Variants in SIPA1L3 observed in about 807,000 individuals in gnomAD.
SIPA1L3 encodes the protein signal induced proliferation associated 1 like 3, also known as signal-induced proliferation-associated 1-like protein 3.
A neutral mutation model predicts 150.1 loss-of-function variants in SIPA1L3; 59 were observed. The ratio of observed to expected loss-of-function variants is 0.39; its 90% CI spans 0.32 to 0.49. SIPA1L3 has a LOEUF of 0.49. SIPA1L3 is among the 20% of genes least tolerant of loss of function. The pLI, the probability that SIPA1L3 is intolerant of heterozygous loss-of-function variation, is 0.86. For missense variants in SIPA1L3, 2,211 were observed against 2,489.5 expected, an observed-to-expected ratio of 0.89 and a Z score of 2.38; for synonymous variants, 1,070 against 1,077.6, an observed-to-expected ratio of 0.99 and a Z score of 0.14.
intron 10 of SIPA1L3, among the ~76,000 whole-genome samples, chr19:38,135,808 C>T (rs901648958): frequency 2.0e-5 from 3 of 151,978 alleles, no homozygotes; most frequent in Non-Finnish European, 2.9e-5. Context: ...TGTAGCTGAC[C>T]TCATTTGCAG....
At chr19:38,198,317 G>A (rs1449120995) in intron 18 of SIPA1L3, 72 bp from the exon 19 acceptor site, 2 of 1,411,334 alleles carry the variant, frequency 1.4e-6, no homozygotes, top group African/African-American at 3.0e-5. Flanking sequence ...ATAAGCAATG[G>A]GATGTCTTCA....
chr19:38,103,650 C>T lies in SIPA1L3; in HGVS notation c.2029+2424C>T, dbSNP rs185689701. 9.9e-3 allele frequency among the ~76,000 whole-genome samples: 1,476 copies of T among 148,876 alleles called. 7 individuals carry two copies. Among genetic ancestry groups the T allele is most frequent in the South Asian group, 0.021 (98 of 4,702 alleles). ...TCTCAAAAAAAAAAAAGGGGCCGGG[C>T]GCGGTGGTTCACGCCTGTAATCTTA... On this transcript the variant is annotated intron_variant, in intron 6 of 21. Transcript: ENST00000222345.
chr19:38,083,908 G>A (rs1297535882), intron 3 of SIPA1L3, among the ~76,000 whole-genome samples: 1 of 150,854 alleles, frequency 6.6e-6, no homozygotes, highest in African/African-American at 2.4e-5. Context: ...TAGGAGAATC[G>A]CTTGAACCCA....
chr19:37,990,018 T>A (rs576690793), intron 1 of SIPA1L3, among the ~76,000 whole-genome samples: 21 of 152,208 alleles, frequency 1.4e-4, no homozygotes, highest in Admixed American at 2.6e-4. Context: ...CCTGACCTTT[T>A]GTTTGGCCCT....
At chr19:38,000,214 C>T (rs1967748578) in intron 1 of SIPA1L3, among the ~76,000 whole-genome samples, 1 of 152,048 alleles carries the variant, frequency 6.6e-6, no homozygotes, top group South Asian at 2.1e-4. Flanking sequence ...CACCTGTAAT[C>T]CCAGCACTTT....
chr19:38,156,130 C>T (rs115115984), intron 13 of SIPA1L3, among the ~76,000 whole-genome samples: 5 of 152,032 alleles, frequency 3.3e-5, no homozygotes, highest in African/African-American at 1.2e-4. Context: ...GGAAGCAGGT[C>T]GAACTGCTGG....
At chr19:38,078,782 G>A (rs550433504) in intron 2 of SIPA1L3, among the ~76,000 whole-genome samples, 7 of 152,318 alleles carry the variant, frequency 4.6e-5, no homozygotes, top group East Asian at 1.9e-4. Flanking sequence ...AATCAGTTCC[G>A]TTGGCAGGAG....
At chr19:38,028,169 T>C (rs978701999) in intron 1 of SIPA1L3, among the ~76,000 whole-genome samples, 1 of 152,158 alleles carries the variant, frequency 6.6e-6, no homozygotes, top group African/African-American at 2.4e-5. Context: ...AATATTCACT[T>C]AAATATAAAC....
At chr19:37,953,621 A>G (rs1432346404) in intron 1 of SIPA1L3, among the ~76,000 whole-genome samples, 5 of 152,216 alleles carry the variant, frequency 3.3e-5, no homozygotes, top group African/African-American at 4.8e-5. Flanking sequence ...ATGAAAGGAA[A>G]TCTTTTGAAT....
At chr19:38,144,287 A>G (rs1218429124) in intron 12 of SIPA1L3, among the ~76,000 whole-genome samples, 1 of 152,220 alleles carries the variant, frequency 6.6e-6, no homozygotes, top group Non-Finnish European at 1.5e-5. Flanking sequence ...AGAGACAGAG[A>G]GGGTAAGCGT....
rs1248787103 is a variant in SIPA1L3, at chr19:38,164,563, G to A, written c.3865G>A (p.Asp1289Asn). The A allele has an allele frequency of 5.0e-6, 8 of 1,613,954 alleles. No homozygotes were observed. The highest frequency in any genetic ancestry group is 1.3e-5 in the African/African-American group (1 of 75,002). Reference protein sequence around the residue: ...SSSHSDDRWFDPLDPLEPEQD... With the variant: ...SSSHSDDRWFNPLDPLEPEQD... ...CAGCCACAGCGACGACCGCTGGTTC[G>A]ACCCCCTGGACCCCCTGGAGCCAGA... The change falls in exon 15 of 22, where the codon GAC becomes AAC. Residue 1289 changes from aspartate (D) to asparagine (N), a missense_variant. Coordinates refer to ENST00000222345, the MANE Select transcript of SIPA1L3 (RefSeq NM_015073.3). This position sits in a 1 kb window ranked among gnomAD's most constrained non-coding sequence, Gnocchi z 4.1.
rs533330526 is a variant in SIPA1L3, at chr19:37,948,755, A to T, written c.-379+41397A>T. Among the ~76,000 whole-genome samples, 17 of 152,258 alleles carry T rather than the reference A, an allele frequency of 1.1e-4. No individual in the cohort carries two copies. The East Asian group carries it at 3.3e-3, about 29-fold the overall frequency. ...TACAACAGATACATGACGTAATGTT[A>T]TGTAGTGAGAAGTGCTAGAGATTGA... On this transcript the variant is annotated intron_variant, in intron 1 of 21. Transcript: ENST00000222345.
intron 20 of SIPA1L3, among the ~76,000 whole-genome samples, chr19:38,202,529 A>C (rs1032671289): frequency 6.6e-6 from 1 of 152,074 alleles, no homozygotes; most frequent in South Asian, 2.1e-4. Context: ...CGAAGCTTGC[A>C]GTGAGCCAAG....
chr19:37,995,843 C>T (rs1356327825), intron 1 of SIPA1L3, among the ~76,000 whole-genome samples: 2 of 152,228 alleles, frequency 1.3e-5, no homozygotes, highest in Non-Finnish European at 2.9e-5. Flanking sequence ...CTTGGCTTCG[C>T]TCTGCCAGCA....
At chr19:37,972,775 A>G (rs888576630) in intron 1 of SIPA1L3, among the ~76,000 whole-genome samples, 4 of 152,196 alleles carry the variant, frequency 2.6e-5, no homozygotes, top group Non-Finnish European at 5.9e-5. Context: ...ATTTGTAAGC[A>G]TGAAAACTAT....
At chr19:37,960,057 GAAA>G in intron 1 of SIPA1L3, among the ~76,000 whole-genome samples, 1 of 151,920 alleles carries the variant, frequency 6.6e-6, no homozygotes, top group South Asian at 2.1e-4. Context: ...GAGAAGAAAA[GAAA>G]AAATGTATTT....
intron 2 of SIPA1L3, among the ~76,000 whole-genome samples, chr19:38,073,278 C>T (rs538800325): frequency 6.6e-6 from 1 of 152,254 alleles, no homozygotes; most frequent in East Asian, 1.9e-4. Flanking sequence ...CTCAATCCTG[C>T]AGCACAGGAG....
At chr19:37,996,924 T>C (rs1967648493) in intron 1 of SIPA1L3, among the ~76,000 whole-genome samples, 1 of 151,938 alleles carries the variant, frequency 6.6e-6, no homozygotes, top group Non-Finnish European at 1.5e-5. Context: ...CTCGAACTCC[T>C]GACCTCAGGT....
intron 2 of SIPA1L3, among the ~76,000 whole-genome samples, chr19:38,035,195 G>C (rs1186735710): frequency 6.6e-6 from 1 of 152,218 alleles, no homozygotes; most frequent in African/African-American, 2.4e-5. Flanking sequence ...CCTTTCTTCA[G>C]TGAAACTCTC....
Sources: allele counts gnomAD v4.1 joint callset (sites outside exome capture counted in the v4.1 genomes callset), GRCh38; gene constraint gnomAD v4.1.1; non-coding constraint Gnocchi (gnomAD v3.1); transcripts MANE v1.5; gene names NCBI Gene and HGNC (gene_info 2026-07-23, HGNC 2026-07-21).